KCNK10: variants seen among roughly 807,000 people sequenced by gnomAD.
The protein encoded by KCNK10 is potassium two pore domain channel subfamily K member 10.
KCNK10 carries 25 observed loss-of-function variants against 47.7 expected under a neutral mutation model. The ratio of observed to expected loss-of-function variants is 0.52; its 90% CI spans 0.38 to 0.73. The LOEUF (loss-of-function observed/expected upper bound fraction) is 0.73, where lower values mean the gene tolerates loss of function less well. Ranked by LOEUF, KCNK10 falls within the 30% of genes least tolerant of loss-of-function variation. The pLI, the probability that KCNK10 is intolerant of heterozygous loss-of-function variation, is 0.00. For missense variants in KCNK10, 563 were observed against 714.5 expected (o/e 0.79, Z 2.42); for synonymous variants, 303 against 285.6 (o/e 1.06, Z -0.61).
Position 88,277,263 on chromosome 14 carries a change from C to A in KCNK10, c.53-13712G>T, listed in dbSNP as rs537266699. Reference sequence around the variant, plus strand: ...TATTCCTTCACTGTGCCTACTAAGTCAAAAAAAAATAAACAAGATCCATCA... The same window carrying A: ...TATTCCTTCACTGTGCCTACTAAGTAAAAAAAAAATAAACAAGATCCATCA... On this transcript the variant is annotated intron_variant, in intron 1 of 6. Transcript: ENST00000319231. Among the ~76,000 whole-genome samples the A allele has an allele frequency of 2.1e-4, 31 of 149,882 alleles. No individual in the cohort carries two copies. The East Asian group carries it at 5.3e-3, about 25-fold the overall frequency.
upstream of KCNK10, among the ~76,000 whole-genome samples, chr14:88,323,442 C>T (rs1438232825): frequency 2.7e-5 from 4 of 149,116 alleles, no homozygotes; most frequent in African/African-American, 7.3e-5. Context: ...CGCGGCGCGC[C>T]CCAGACGCCG....
chr14:88,240,848 C>T, intron 2 of KCNK10, 28 bp from the exon 3 acceptor site: 1 of 1,382,502 alleles, frequency 7.2e-7, no homozygotes, highest in Non-Finnish European at 1.0e-6. Flanking sequence ...AAGCATAAGA[C>T]TCAGTTTAAA....
chr14:88,304,143 G>A (rs574384637), intron 1 of KCNK10, among the ~76,000 whole-genome samples: 6 of 151,836 alleles, frequency 4.0e-5, no homozygotes, highest in South Asian at 2.1e-4. Flanking sequence ...TAGGGAGGCC[G>A]TCTCCACAAA....
intron 2 of KCNK10, among the ~76,000 whole-genome samples, chr14:88,249,630 G>C (rs1412255712): frequency 6.6e-6 from 1 of 152,144 alleles, no homozygotes; most frequent in Non-Finnish European, 1.5e-5. Flanking sequence ...GACTGCCTTG[G>C]CCGGATCACA....
chr14:88,266,900 G>C (rs879893569), intron 1 of KCNK10, among the ~76,000 whole-genome samples: 4 of 152,194 alleles, frequency 2.6e-5, no homozygotes, highest in Non-Finnish European at 5.9e-5. Context: ...CATCCCTGAG[G>C]CTGGGCAGAA....
intron 1 of KCNK10, among the ~76,000 whole-genome samples, chr14:88,267,756 G>A (rs1393383642): frequency 1.3e-5 from 2 of 152,096 alleles, no homozygotes; most frequent in East Asian, 1.9e-4. Flanking sequence ...TAATACAGTT[G>A]CCTTATGACC....
intron 3 of KCNK10, chr14:88,235,194 T>C (rs761190297): frequency 2.8e-5 from 13 of 456,604 alleles, no homozygotes; most frequent in South Asian, 2.0e-4. Flanking sequence ...GTCTGGAAGG[T>C]GGTACCCTGA....
chr14:88,304,950 C>T (rs1258459323), intron 1 of KCNK10, among the ~76,000 whole-genome samples: 1 of 152,188 alleles, frequency 6.6e-6, no homozygotes, highest in Non-Finnish European at 1.5e-5. Context: ...ATAATCCTAG[C>T]ACTTTGGGAG....
intron 4 of KCNK10, among the ~76,000 whole-genome samples, chr14:88,226,363 A>G (rs1885987041): frequency 6.6e-6 from 1 of 152,204 alleles, no homozygotes; most frequent in South Asian, 2.1e-4. Flanking sequence ...TATTGCAGAG[A>G]CAGCCTTGAA....
rs183855166 is a variant in KCNK10, at chr14:88,313,791, C to A, written c.52+8956G>T. ...TAAATGTTTATATTGATTTAAGCCACTAAATGTTGGGGTTATTTGTTACAC... is the reference window on the plus strand; with the variant it reads ...TAAATGTTTATATTGATTTAAGCCAATAAATGTTGGGGTTATTTGTTACAC... On this transcript the variant is annotated intron_variant, in intron 1 of 6. Coordinates refer to ENST00000319231, the MANE Select transcript of KCNK10 (RefSeq NM_138317.3). Among the ~76,000 whole-genome samples, 64 of 152,292 alleles carry A rather than the reference C, an allele frequency of 4.2e-4. 1 individual carries two copies. The East Asian group carries it at 0.012, about 28-fold the overall frequency.
At chr14:88,293,394 A>C (rs1595125727) in intron 1 of KCNK10, among the ~76,000 whole-genome samples, 1 of 151,748 alleles carries the variant, frequency 6.6e-6, no homozygotes, top group African/African-American at 2.4e-5. Context: ...AATAATAAAA[A>C]CCCTCCATTC....
At chr14:88,306,505 C>T (rs1888204814) in intron 1 of KCNK10, among the ~76,000 whole-genome samples, 1 of 152,156 alleles carries the variant, frequency 6.6e-6, no homozygotes, top group African/African-American at 2.4e-5. Context: ...AGGATGTGCT[C>T]TGTCATCATG....
chr14:88,278,733 T>C (rs985741171), intron 1 of KCNK10, among the ~76,000 whole-genome samples: 1 of 152,220 alleles, frequency 6.6e-6, no homozygotes, highest in African/African-American at 2.4e-5. Context: ...CATACTTAAT[T>C]GCTTGGAAAT....
intron 4 of KCNK10, among the ~76,000 whole-genome samples, chr14:88,207,467 C>T (rs1885319451): frequency 6.6e-6 from 1 of 152,176 alleles, no homozygotes; most frequent in Admixed American, 6.5e-5. Context: ...AGCCACAGCG[C>T]CAGCCCAAGG....
chr14:88,297,903 G>T (rs957840735), intron 1 of KCNK10, among the ~76,000 whole-genome samples: 3 of 152,222 alleles, frequency 2.0e-5, no homozygotes, highest in Non-Finnish European at 2.9e-5. Flanking sequence ...GAAATTTCCA[G>T]TGGGCCACCC....
intron 1 of KCNK10, among the ~76,000 whole-genome samples, chr14:88,290,038 G>A (rs923133336): frequency 2.0e-5 from 3 of 152,214 alleles, no homozygotes; most frequent in Non-Finnish European, 4.4e-5. Context: ...GCAGGATAAT[G>A]TTCGGTCCCC....
chr14:88,310,390 G>A (rs17771120), intron 1 of KCNK10, among the ~76,000 whole-genome samples: 3,769 of 151,744 alleles, frequency 0.025, 57 homozygotes, highest in East Asian at 0.053. Context: ...GCACTCACTC[G>A]CTAAGTGTTT....
At chr14:88,313,082 C>T (rs892200488) in intron 1 of KCNK10, among the ~76,000 whole-genome samples, 2 of 152,136 alleles carry the variant, frequency 1.3e-5, no homozygotes, top group African/African-American at 4.8e-5. Flanking sequence ...CAGACAGACT[C>T]GGGTTCAAGT....
At chr14:88,294,269 T>C (rs1325935747) in intron 1 of KCNK10, among the ~76,000 whole-genome samples, 2 of 152,258 alleles carry the variant, frequency 1.3e-5, no homozygotes, top group Admixed American at 6.5e-5. Context: ...TGCAAGACTT[T>C]TGTTTCAGCC....
Sources: allele counts gnomAD v4.1 joint callset (sites outside exome capture counted in the v4.1 genomes callset), GRCh38; gene constraint gnomAD v4.1.1; transcripts MANE v1.5; gene names NCBI Gene and HGNC (gene_info 2026-07-23, HGNC 2026-07-21).